The following PIK3C2G variants were observed in gnomAD, a reference collection of about 807,000 sequenced individuals.
The protein encoded by PIK3C2G is phosphatidylinositol 3-kinase C2 domain-containing subunit gamma.
PIK3C2G carries 168 observed loss-of-function variants against 181.1 expected under a neutral mutation model. The observed-to-expected ratio is 0.93, with a 90% CI of 0.82 to 1.05. The LOEUF is 1.05. Ranked by LOEUF, PIK3C2G falls within the 50% of genes least tolerant of loss-of-function variation. PIK3C2G has a pLI of 0.00. For missense variants in PIK3C2G, 1,869 were observed against 1,732.8 expected, an observed-to-expected ratio of 1.08 and a Z score of -1.40; for synonymous variants, 573 against 592.2, an observed-to-expected ratio of 0.97 and a Z score of 0.47.
intron 29 of PIK3C2G, among the ~76,000 whole-genome samples, chr12:18,579,263 T>G (rs1409034513): frequency 1.3e-5 from 2 of 152,070 alleles, no homozygotes; most frequent in East Asian, 3.8e-4. Context: ...CATATGACAG[T>G]GAGTGGAAAA....
chr12:18,644,244 G>A (rs776440559), intron 32 of PIK3C2G, among the ~76,000 whole-genome samples: 1 of 152,048 alleles, frequency 6.6e-6, no homozygotes, highest in African/African-American at 2.4e-5. Flanking sequence ...TCTCAAGATG[G>A]GTCTGGGGCT....
chr12:18,496,596 A>G (rs1303260448), intron 21 of PIK3C2G, among the ~76,000 whole-genome samples: 2 of 152,156 alleles, frequency 1.3e-5, no homozygotes, highest in Non-Finnish European at 2.9e-5. Context: ...AAAAGTAAAT[A>G]TGGGTCATTT....
the PIK3C2G span, chr12:18,696,322 C>CTATATA: frequency 0.012 from 3,335 of 267,090 alleles, 251 homozygotes; most frequent in African/African-American, 0.061. Context: ...TAAAAAGCCA[C>CTATATA]TATATATATA....
At chr12:18,650,116 C>T (rs1950353642), downstream of PIK3C2G, among the ~76,000 whole-genome samples, 1 of 152,006 alleles carries the variant, frequency 6.6e-6, no homozygotes, top group African/African-American at 2.4e-5. Context: ...ACTCAATATT[C>T]CCTTGAATTG....
chr12:18,310,772 A>T (rs1447345620), intron 5 of PIK3C2G, among the ~76,000 whole-genome samples: 1 of 152,012 alleles, frequency 6.6e-6, no homozygotes, highest in Non-Finnish European at 1.5e-5. Context: ...TAATTCTAAA[A>T]GAAACAATAT....
At chr12:18,276,311 T>A (rs543635612) in intron 1 of PIK3C2G, among the ~76,000 whole-genome samples, 2 of 152,190 alleles carry the variant, frequency 1.3e-5, no homozygotes, top group Admixed American at 6.5e-5. Context: ...AAAGTTGTTA[T>A]GTGAAAATAG....
chr12:18,717,790 C>T, the PIK3C2G span, among the ~76,000 whole-genome samples: 1 of 152,134 alleles, frequency 6.6e-6, no homozygotes, highest in Non-Finnish European at 1.5e-5. Flanking sequence ...GCTATACCTC[C>T]TAAAATTACA....
intron 24 of PIK3C2G, among the ~76,000 whole-genome samples, chr12:18,517,590 G>GA (rs1396884732): frequency 6.6e-6 from 1 of 152,138 alleles, no homozygotes; most frequent in Non-Finnish European, 1.5e-5. Flanking sequence ...TTTGTATCCT[G>GA]AGACTTTGCT....
At chr12:18,533,854 C>G (rs982337978) in intron 24 of PIK3C2G, among the ~76,000 whole-genome samples, 3 of 149,964 alleles carry the variant, frequency 2.0e-5, no homozygotes, top group African/African-American at 7.3e-5. Flanking sequence ...ATTCTAATGA[C>G]TATACAAGGA....
At chr12:18,606,320 C>T (rs1948018614) in intron 30 of PIK3C2G, among the ~76,000 whole-genome samples, 1 of 152,136 alleles carries the variant, frequency 6.6e-6, no homozygotes, top group Non-Finnish European at 1.5e-5. Context: ...AATTCTTCCA[C>T]TCTTTAATTC....
intron 22 of PIK3C2G, 37 bp from the exon 23 acceptor site, chr12:18,503,244 A>C (rs775132980): frequency 6.6e-7 from 1 of 1,523,270 alleles, no homozygotes; most frequent in Non-Finnish European, 8.9e-7. Flanking sequence ...TCTTGTGATG[A>C]AGGAATTGTC....
intron 18 of PIK3C2G, among the ~76,000 whole-genome samples, chr12:18,451,003 G>A (rs748715467): frequency 9.9e-5 from 15 of 152,156 alleles, no homozygotes; most frequent in Non-Finnish European, 1.8e-4. Context: ...TTTGAAGTCA[G>A]GTAGCACGAT....
At chr12:18,299,307 G>A (rs1422001840) in intron 5 of PIK3C2G, among the ~76,000 whole-genome samples, 1 of 151,824 alleles carries the variant, frequency 6.6e-6, no homozygotes, top group Non-Finnish European at 1.5e-5. Flanking sequence ...GGCAGCTGTT[G>A]TAAATGGGAT....
At chr12:18,406,093 C>A (rs576465766) in intron 16 of PIK3C2G, among the ~76,000 whole-genome samples, 47 of 152,258 alleles carry the variant, frequency 3.1e-4, no homozygotes, top group African/African-American at 1.1e-3. Context: ...ATGACACTGA[C>A]TTTTTCAGAT....
upstream of PIK3C2G, among the ~76,000 whole-genome samples, chr12:18,245,391 A>C (rs1948029485): frequency 6.6e-6 from 1 of 152,066 alleles, no homozygotes; most frequent in Non-Finnish European, 1.5e-5. Context: ...TTACATCTCA[A>C]TATTTTATCA....
intron 2 of PIK3C2G, among the ~76,000 whole-genome samples, chr12:18,286,053 T>C (rs1347031788): frequency 6.6e-6 from 1 of 151,950 alleles, no homozygotes; most frequent in Non-Finnish European, 1.5e-5. Context: ...AAAAGTATAT[T>C]TCAGGGCTGA....
intron 18 of PIK3C2G, among the ~76,000 whole-genome samples, chr12:18,476,184 C>CA (rs1555091585): frequency 6.6e-6 from 1 of 152,006 alleles, no homozygotes. Context: ...TCCAAGGAAG[C>CA]TTTTTTTAGA....
At chr12:18,688,163 G>A in the PIK3C2G span, 4 of 1,610,938 alleles carry the variant, frequency 2.5e-6, no homozygotes, top group Non-Finnish European at 3.4e-6. Context: ...AATTACTAAT[G>A]AATCACCTTT....
At chr12:18,334,780 G>A (rs111250878) in intron 8 of PIK3C2G, among the ~76,000 whole-genome samples, 2,488 of 152,144 alleles carry the variant, frequency 0.016, 29 homozygotes, top group South Asian at 0.033. Flanking sequence ...ATCTCACCTT[G>A]CGAATCAGCC....
Sources: allele counts gnomAD v4.1 joint callset (sites outside exome capture counted in the v4.1 genomes callset), GRCh38; gene constraint gnomAD v4.1.1; transcripts MANE v1.5; gene names NCBI Gene and HGNC (gene_info 2026-07-23, HGNC 2026-07-21).